The following DLG2 variants were observed in gnomAD, a reference collection of about 807,000 sequenced individuals.
DLG2 encodes the protein disks large homolog 2.
DLG2 carries 45 observed loss-of-function variants against 132.5 expected under a neutral mutation model. The ratio of observed to expected loss-of-function variants is 0.34; its 90% CI spans 0.27 to 0.44. The LOEUF is 0.44. DLG2 is among the 20% of genes least tolerant of loss of function. The probability of loss-of-function intolerance (pLI) is 1.00; values close to 1 mark genes in which losing one functional copy is unlikely to be tolerated. For missense variants in DLG2, 1,045 were observed against 1,196.9 expected (o/e 0.87, Z 1.87); for synonymous variants, 424 against 419.6 (o/e 1.01, Z -0.13).
intron 6 of DLG2, among the ~76,000 whole-genome samples, chr11:84,851,036 T>C (rs186435524): frequency 3.3e-5 from 5 of 152,218 alleles, no homozygotes; most frequent in Admixed American, 2.6e-4. Context: ...GAAATTGATA[T>C]GACTCAAATT....
chr11:84,782,538 A>G (rs2072007604), intron 6 of DLG2, among the ~76,000 whole-genome samples: 1 of 152,086 alleles, frequency 6.6e-6, no homozygotes, highest in South Asian at 2.1e-4. Flanking sequence ...CTTAGTCATT[A>G]ACTCCTGGAA....
intron 18 of DLG2, among the ~76,000 whole-genome samples, chr11:83,689,605 G>C (rs374428993): frequency 6.6e-6 from 1 of 151,800 alleles, no homozygotes; most frequent in Admixed American, 6.6e-5. Flanking sequence ...TAGCTGTTGT[G>C]TTCTTATGAA....
rs556391167 is a variant in DLG2 at position 84,294,765 on chromosome 11, G to A, written c.520-43474C>T. 1.1e-4 allele frequency among the ~76,000 whole-genome samples: 17 copies of A among 152,106 alleles called. 1 individual carries two copies. The highest frequency in any genetic ancestry group is 4.1e-4 in the South Asian group (2 of 4,824). On this transcript the variant is annotated intron_variant, in intron 7 of 27. Transcript: ENST00000376104. ...CAATCTGTCCTTTGGATAGAACTGC[G>A]GTAGCCACACTGGGCTCTGAGCTTG...
intron 6 of DLG2, among the ~76,000 whole-genome samples, chr11:84,752,601 G>T (rs1339913973): frequency 1.4e-5 from 2 of 140,124 alleles, no homozygotes; most frequent in African/African-American, 5.4e-5. Context: ...AAGTTTTAGG[G>T]TACATGTGCA....
At position 84,783,628 on chromosome 11, in the gene DLG2, G is replaced by A. The variant is rs142132326; in HGVS notation, c.358-248897C>T. ...ATAACACTATAGCTTTAGTAGAGAT[G>A]TTTACATACAATATTTCACTGGAGC... is the stretch of plus-strand genomic sequence containing the variant. On this transcript the variant is annotated intron_variant, in intron 6 of 27. Coordinates refer to ENST00000376104, the MANE Select transcript of DLG2 (RefSeq NM_001142699.3). 6.4e-3 allele frequency among the ~76,000 whole-genome samples: 972 copies of A among 152,162 alleles called. 14 individuals are homozygous for A. The highest frequency in any genetic ancestry group is 0.021 in the African/African-American group (885 of 41,520).
intron 11 of DLG2, among the ~76,000 whole-genome samples, chr11:84,044,501 C>T (rs2096192877): frequency 1.3e-5 from 2 of 151,720 alleles, no homozygotes; most frequent in South Asian, 2.1e-4. Flanking sequence ...GTTCTCATCA[C>T]ATTTTGTGCC....
intron 17 of DLG2, among the ~76,000 whole-genome samples, chr11:83,795,867 T>C (rs2042700452): frequency 6.6e-6 from 1 of 152,234 alleles, no homozygotes; most frequent in African/African-American, 2.4e-5. Flanking sequence ...CACATTCTTA[T>C]ACCCTTGTCC....
chr11:84,751,818 C>T (rs1039250879), intron 6 of DLG2, among the ~76,000 whole-genome samples: 1 of 152,046 alleles, frequency 6.6e-6, no homozygotes, highest in Admixed American at 6.6e-5. Context: ...GGTTAGGATG[C>T]CAGGTACAAA....
At chr11:85,231,589 G>T (rs1045982988) in intron 4 of DLG2, among the ~76,000 whole-genome samples, 4 of 151,652 alleles carry the variant, frequency 2.6e-5, no homozygotes, top group Admixed American at 1.3e-4. Flanking sequence ...CCTATCTAGT[G>T]ATTTCTTAAA....
intron 19 of DLG2, among the ~76,000 whole-genome samples, chr11:83,598,399 A>G (rs2057983075): frequency 6.6e-6 from 1 of 152,232 alleles, no homozygotes; most frequent in South Asian, 2.1e-4. Flanking sequence ...ATAGCTTCTC[A>G]TTTCAGTCAG....
At chr11:84,255,162 T>C (rs2097446805) in intron 7 of DLG2, among the ~76,000 whole-genome samples, 1 of 152,190 alleles carries the variant, frequency 6.6e-6, no homozygotes, top group African/African-American at 2.4e-5. Flanking sequence ...CTTTAGCTCA[T>C]CTGGCTCCTG....
intron 7 of DLG2, among the ~76,000 whole-genome samples, chr11:84,488,102 C>T (rs1282384618): frequency 1.3e-5 from 2 of 152,220 alleles, no homozygotes; most frequent in East Asian, 3.9e-4. Context: ...TCCAGCATTG[C>T]CCCTCAGAAT....
intron 7 of DLG2, among the ~76,000 whole-genome samples, chr11:84,418,499 A>G (rs556186713): frequency 1.3e-5 from 2 of 152,348 alleles, no homozygotes; most frequent in East Asian, 3.9e-4. Flanking sequence ...TCATGAAATA[A>G]CTTACTCAAA....
intron 8 of DLG2, among the ~76,000 whole-genome samples, chr11:84,190,281 A>T (rs1277547541): frequency 6.6e-6 from 1 of 152,190 alleles, no homozygotes; most frequent in Non-Finnish European, 1.5e-5. Context: ...AAAAGATATA[A>T]GCATCAAATG....
chr11:83,921,829 A>G (rs769031326), intron 15 of DLG2, among the ~76,000 whole-genome samples: 1 of 148,576 alleles, frequency 6.7e-6, no homozygotes, highest in Non-Finnish European at 1.5e-5. Context: ...CATCTCAGAT[A>G]GAGATATTAT....
At chr11:83,668,280 G>T (rs2076085828) in intron 18 of DLG2, among the ~76,000 whole-genome samples, 1 of 152,068 alleles carries the variant, frequency 6.6e-6, no homozygotes, top group Non-Finnish European at 1.5e-5. Flanking sequence ...AATTTGCCAA[G>T]AAAATCTATT....
intron 20 of DLG2, among the ~76,000 whole-genome samples, chr11:83,533,139 T>C (rs916711631): frequency 4.6e-5 from 7 of 152,124 alleles, no homozygotes; most frequent in African/African-American, 1.7e-4. Context: ...CTAAACAAGT[T>C]TCTCCTCCCC....
At chr11:84,754,497 T>C (rs2066599628) in intron 6 of DLG2, among the ~76,000 whole-genome samples, 2 of 152,170 alleles carry the variant, frequency 1.3e-5, no homozygotes, top group African/African-American at 4.8e-5. Context: ...ATCTGGAACT[T>C]AGAAAAGCTT....
intron 6 of DLG2, among the ~76,000 whole-genome samples, chr11:84,647,575 C>T (rs1329667762): frequency 6.6e-6 from 1 of 152,178 alleles, no homozygotes; most frequent in Non-Finnish European, 1.5e-5. Flanking sequence ...TCACTCATTT[C>T]TGCGTTTATT....
Sources: allele counts gnomAD v4.1 joint callset (sites outside exome capture counted in the v4.1 genomes callset), GRCh38; gene constraint gnomAD v4.1.1; transcripts MANE v1.5; gene names NCBI Gene and HGNC (gene_info 2026-07-23, HGNC 2026-07-21).